The following TMTC1 variants were observed in gnomAD, a reference collection of about 807,000 sequenced individuals.
TMTC1 encodes transmembrane O-mannosyltransferase targeting cadherins 1, also known as protein O-mannosyl-transferase TMTC1.
A neutral mutation model predicts 104.8 loss-of-function variants in TMTC1; 73 were observed. The ratio of observed to expected loss-of-function variants is 0.70; its 90% CI spans 0.58 to 0.85. The LOEUF is 0.85. Among genes scored for constraint, TMTC1 ranks in the 40% least tolerant of loss-of-function variants. The pLI is 0.00. For synonymous variants in TMTC1, 434 were observed against 428.7 expected (o/e 1.01, Z -0.15); for missense variants, 1,035 against 1,096.1 (o/e 0.94, Z 0.79).
chr12:29,558,179 G>T (rs1043293280), intron 9 of TMTC1, among the ~76,000 whole-genome samples: 3 of 152,210 alleles, frequency 2.0e-5, no homozygotes, highest in Non-Finnish European at 4.4e-5. Flanking sequence ...AGTGGACATA[G>T]TTAGCAGTCT....
At position 29,657,086 on chromosome 12, in the gene TMTC1, A is replaced by C. The variant is rs76475942; in HGVS notation, c.939-23750T>G. 5.1e-3 allele frequency among the ~76,000 whole-genome samples: 784 copies of C among 152,328 alleles called. 6 individuals carry two copies. Among genetic ancestry groups the C allele is most frequent in the African/African-American group, 0.018 (737 of 41,572 alleles). On this transcript the variant is annotated intron_variant, in intron 5 of 17. Transcript: ENST00000539277. ...TCCCCCATCTGTCCTTTTTAACCGT[A>C]CATCTTAGTGTTTGGAGACTGGTAA...
At chr12:29,508,863 C>T (rs1337300538) in intron 17 of TMTC1, among the ~76,000 whole-genome samples, 3 of 152,100 alleles carry the variant, frequency 2.0e-5, no homozygotes, top group Non-Finnish European at 4.4e-5. Flanking sequence ...CAGGTATGAG[C>T]CACCGTGCCC....
chr12:29,719,844 T>C (rs967437653), intron 5 of TMTC1, among the ~76,000 whole-genome samples: 3 of 152,254 alleles, frequency 2.0e-5, no homozygotes, highest in Non-Finnish European at 4.4e-5. Flanking sequence ...AAATATTTTA[T>C]CTGGCAGTTT....
intron 1 of TMTC1, among the ~76,000 whole-genome samples, chr12:29,769,782 C>T (rs1328366103): frequency 6.6e-6 from 1 of 152,100 alleles, no homozygotes; most frequent in East Asian, 1.9e-4. Flanking sequence ...CGGTAGGTGT[C>T]CAAGTTGGAA....
chr12:29,518,718 C>T (rs1025873975), intron 12 of TMTC1, 111 bp from the exon 13 acceptor site: 1 of 1,348,110 alleles, frequency 7.4e-7, no homozygotes, highest in Non-Finnish European at 1.0e-6. Context: ...CAGAGTTATA[C>T]CAAAATTATT....
Position 29,633,282 on chromosome 12 carries a change from G to A in TMTC1, c.993C>T (p.Pro331=), listed in dbSNP as rs762361396. The change falls in exon 6 of 18, where the codon CCC becomes CCT. Residue 331 remains proline (P), a synonymous_variant. Transcript: ENST00000539277. The stretch of plus-strand genomic sequence containing the variant: ...CCTGCCAGTCATAGCACAGGGTCAC[G>A]GGTGCAAGCAGAAGCCACACATTGA... The part of the protein sequence containing the change: ...LAFNVWLLLA[P]VTLCYDWQVG... The A allele has an allele frequency of 8.1e-6, 13 of 1,613,652 alleles. No homozygotes were observed. The highest frequency in any genetic ancestry group is 2.2e-5 in the South Asian group (2 of 91,056).
At chr12:29,745,073 G>A (rs565045571) in intron 5 of TMTC1, among the ~76,000 whole-genome samples, 33 of 152,236 alleles carry the variant, frequency 2.2e-4, no homozygotes, top group Admixed American at 1.5e-3. Context: ...TTACAGGCAT[G>A]AGCCACAGTG....
intron 5 of TMTC1, among the ~76,000 whole-genome samples, chr12:29,683,743 C>G (rs1468040070): frequency 6.6e-6 from 1 of 152,092 alleles, no homozygotes; most frequent in Non-Finnish European, 1.5e-5. Context: ...AGAAGCAAAG[C>G]TTGCAAATAG....
At chr12:29,637,977 C>T (rs574111020) in intron 5 of TMTC1, among the ~76,000 whole-genome samples, 13 of 152,284 alleles carry the variant, frequency 8.5e-5, no homozygotes, top group Admixed American at 1.3e-4. Flanking sequence ...TTAGGAAGGC[C>T]ATTTGCCACC....
chr12:29,574,925 C>T (rs1945780429), intron 8 of TMTC1, among the ~76,000 whole-genome samples: 1 of 152,174 alleles, frequency 6.6e-6, no homozygotes, highest in Admixed American at 6.5e-5. Context: ...TAAGGCTGTC[C>T]AAATACCACT....
chr12:29,536,302 C>A lies in TMTC1; in HGVS notation c.1692G>T (p.Lys564Asn). The change falls in exon 11 of 18, where the codon AAG becomes AAT. Residue 564 changes from lysine (K) to asparagine (N), a missense_variant. Physicochemically the swap from Lys to Asn is moderately conservative, Grantham distance 94. Transcript: ENST00000539277. ...CCTTCAGTAAGGTGATAGCTTCTTCCTTTTTCTCCTGGGACCTATAGATAA... is the reference window on the plus strand; with the variant it reads ...CCTTCAGTAAGGTGATAGCTTCTTCATTTTTCTCCTGGGACCTATAGATAA... ...LGNLLKSQEK[K>N]EEAITLLKDS... 6.2e-7 allele frequency: 1 copy of A among 1,609,198 alleles called. No individual in the cohort carries two copies. Among genetic ancestry groups the A allele is most frequent in the Non-Finnish European group, 8.5e-7 (1 of 1,177,308 alleles).
intron 5 of TMTC1, among the ~76,000 whole-genome samples, chr12:29,652,385 T>G (rs1334300036): frequency 2.0e-5 from 3 of 152,226 alleles, no homozygotes; most frequent in Non-Finnish European, 4.4e-5. Context: ...ATCACTGCAC[T>G]GTGTGGGTCA....
intron 5 of TMTC1, among the ~76,000 whole-genome samples, chr12:29,695,548 G>A (rs540586850): frequency 8.6e-5 from 13 of 151,558 alleles, no homozygotes; most frequent in African/African-American, 2.2e-4. Flanking sequence ...CTTGTGATCT[G>A]GCCGCCTCAG....
chr12:29,714,473 C>T (rs1942023485), intron 5 of TMTC1, among the ~76,000 whole-genome samples: 1 of 152,194 alleles, frequency 6.6e-6, no homozygotes, highest in Non-Finnish European at 1.5e-5. Flanking sequence ...TGAGCCAAAA[C>T]ATACAATGAC....
chr12:29,730,253 G>A (rs780799873), intron 5 of TMTC1, among the ~76,000 whole-genome samples: 13 of 152,160 alleles, frequency 8.5e-5, no homozygotes, highest in Non-Finnish European at 1.8e-4. Context: ...AAACCACTGC[G>A]TGCAGCCTAA....
At chr12:29,637,095 C>A (rs199874337) in intron 5 of TMTC1, among the ~76,000 whole-genome samples, 35,971 of 145,490 alleles carry the variant, frequency 0.25, 5,166 homozygotes, top group Admixed American at 0.36. Flanking sequence ...AACACACACA[C>A]ACACACACAC....
intron 5 of TMTC1, among the ~76,000 whole-genome samples, chr12:29,734,516 G>A (rs1030260160): frequency 6.6e-6 from 1 of 152,116 alleles, no homozygotes; most frequent in Non-Finnish European, 1.5e-5. Context: ...TAAGCCAGAC[G>A]ATCATAAGTT....
At chr12:29,643,996 ATATATAAATATAAATATATAATT>A (rs1939115890) in intron 5 of TMTC1, among the ~76,000 whole-genome samples, 1 of 117,388 alleles carries the variant, frequency 8.5e-6, no homozygotes, top group Non-Finnish European at 1.6e-5. Context: ...TATATAATTT[ATATATAAATATAAATATATAATT>A]TATATATAAA....
At chr12:29,719,512 C>A (rs1241367160) in intron 5 of TMTC1, among the ~76,000 whole-genome samples, 1 of 152,152 alleles carries the variant, frequency 6.6e-6, no homozygotes, top group African/African-American at 2.4e-5. Context: ...AACTCTTTCC[C>A]CTGCATAGCC....
Sources: allele counts gnomAD v4.1 joint callset (sites outside exome capture counted in the v4.1 genomes callset), GRCh38; gene constraint gnomAD v4.1.1; transcripts MANE v1.5; gene names NCBI Gene and HGNC (gene_info 2026-07-23, HGNC 2026-07-21).